CTIF: variants seen among roughly 807,000 people sequenced by gnomAD.
CTIF encodes cap binding complex dependent translation initiation factor, also known as CBP80/20-dependent translation initiation factor.
A neutral mutation model predicts 66.0 loss-of-function variants in CTIF; 21 were observed. The ratio of observed to expected loss-of-function variants is 0.32; its 90% CI spans 0.23 to 0.46. The LOEUF (loss-of-function observed/expected upper bound fraction) is 0.46. Ranked by LOEUF, CTIF falls within the 20% of genes least tolerant of loss-of-function variation. The pLI, the probability that CTIF is intolerant of heterozygous loss-of-function variation, is 1.00. For synonymous variants in CTIF, 345 were observed against 326.4 expected, an observed-to-expected ratio of 1.06 and a Z score of -0.62; for missense variants, 739 against 812.7, an observed-to-expected ratio of 0.91 and a Z score of 1.10.
rs2069486337 is a variant in CTIF at position 48,862,200 on chromosome 18, G to T, written c.*2641G>T. 1 of 152,236 alleles carries T rather than the reference G, an allele frequency of 6.6e-6. No individual in the cohort carries two copies. Among genetic ancestry groups the T allele is most frequent in the Admixed American group, 6.5e-5 (1 of 15,282 alleles). 9.4% of individuals were successfully genotyped at this position (152,236 alleles called of 1,614,324 possible). A position where few individuals can be genotyped will look rare whatever the true frequency, so the allele number is the denominator to read the frequency against. The stretch of plus-strand genomic sequence containing the variant: ...TCCCCAAGTCCATCCCCTCTCTGTG[G>T]CATGAGGAAGGCCGCGTCCGAGTTG... On this transcript the variant is annotated 3_prime_UTR_variant, in exon 12 of 12. Transcript: ENST00000256413.
intron 3 of CTIF, among the ~76,000 whole-genome samples, chr18:48,645,699 T>G (rs1598796249): frequency 6.6e-6 from 1 of 152,206 alleles, no homozygotes; most frequent in Non-Finnish European, 1.5e-5. Context: ...TGGGGTGGTG[T>G]CAGAAATAGT....
intron 1 of CTIF, among the ~76,000 whole-genome samples, chr18:48,584,742 C>T (rs892230690): frequency 2.0e-4 from 31 of 152,210 alleles, no homozygotes; most frequent in Non-Finnish European, 1.3e-4. Flanking sequence ...CCATCTCTGA[C>T]GATCTCCAAG....
chr18:48,563,513 C>G (rs978325470), intron 1 of CTIF, among the ~76,000 whole-genome samples: 2 of 152,082 alleles, frequency 1.3e-5, no homozygotes, highest in African/African-American at 4.8e-5. Context: ...ACTCTGTCAC[C>G]CAGGCTGGAG....
chr18:48,658,055 C>T (rs1317645860), intron 3 of CTIF, among the ~76,000 whole-genome samples: 1 of 152,146 alleles, frequency 6.6e-6, no homozygotes, highest in Non-Finnish European at 1.5e-5. Context: ...CAGGCACCTG[C>T]CTTCCTGCTT....
chr18:48,817,574 G>A (rs1309672829), intron 10 of CTIF, among the ~76,000 whole-genome samples, 198 bp downstream of exon 10: 4 of 152,110 alleles, frequency 2.6e-5, no homozygotes, highest in Non-Finnish European at 4.4e-5. Context: ...TAAGGAGATC[G>A]AGACCATCCT....
intron 7 of CTIF, among the ~76,000 whole-genome samples, chr18:48,741,283 C>T (rs958080407): frequency 3.4e-5 from 5 of 148,950 alleles, no homozygotes; most frequent in African/African-American, 1.2e-4. Context: ...TGCCCCCGCC[C>T]CCCCTCCTTG....
intron 9 of CTIF, among the ~76,000 whole-genome samples, chr18:48,803,523 C>A (rs1234086614): frequency 2.0e-5 from 3 of 152,176 alleles, no homozygotes; most frequent in South Asian, 4.1e-4. Context: ...GAGTGTCAGG[C>A]ACCTGTGACA....
In CTIF at chr18:48,854,162, G is replaced by A. The variant is rs191848668; in HGVS notation, c.1528-3426G>A. On this transcript the variant is annotated intron_variant, in intron 10 of 11. Transcript: ENST00000256413. ...TGTCCCTGACTTCAAGAAGCCGACA[G>A]TTCACCCTGGAAAATGTCTTAACTT... 3.7e-3 allele frequency among the ~76,000 whole-genome samples: 561 copies of A among 152,326 alleles called. 2 individuals carry two copies. Among genetic ancestry groups the A allele is most frequent in the Admixed American group, 6.3e-3 (97 of 15,306 alleles).
intron 9 of CTIF, among the ~76,000 whole-genome samples, chr18:48,810,175 G>T (rs1311679378): frequency 6.6e-6 from 1 of 152,034 alleles, no homozygotes; most frequent in Admixed American, 6.6e-5. Flanking sequence ...CCTTTGAAAA[G>T]TAATATCTGT....
intron 6 of CTIF, among the ~76,000 whole-genome samples, chr18:48,687,064 G>T (rs1484053407): frequency 6.6e-6 from 1 of 152,008 alleles, no homozygotes; most frequent in East Asian, 1.9e-4. Context: ...AATAGTTAGG[G>T]AAACAGGAAG....
At chr18:48,822,205 A>AT (rs2068497983) in intron 10 of CTIF, among the ~76,000 whole-genome samples, 1 of 151,800 alleles carries the variant, frequency 6.6e-6, no homozygotes, top group Non-Finnish European at 1.5e-5. Context: ...CCACTTTAAA[A>AT]TTTTTTTCTT....
At chr18:48,688,085 A>G (rs546683699) in intron 6 of CTIF, among the ~76,000 whole-genome samples, 1 of 152,234 alleles carries the variant, frequency 6.6e-6, no homozygotes, top group East Asian at 1.9e-4. Context: ...AGGAAAGTCA[A>G]GACAGCTTTT....
At chr18:48,741,343 G>A (rs1184361049) in intron 7 of CTIF, among the ~76,000 whole-genome samples, 2 of 146,814 alleles carry the variant, frequency 1.4e-5, no homozygotes, top group Admixed American at 1.4e-4. Context: ...ATACCCAGGT[G>A]CTACCCTACC....
At position 48,620,280 on chromosome 18, in the gene CTIF, T is replaced by C. The variant is rs139466797; in HGVS notation, c.180+535T>C. ...ATATGAGGCAATCCAACCAGCGTCA[T>C]GTTTGGTCCTGCACCCTCCTGCCTC... On this transcript the variant is annotated intron_variant, in intron 2 of 11. Transcript: ENST00000256413. Among the ~76,000 whole-genome samples, 512 of 152,278 alleles carry C rather than the reference T, an allele frequency of 3.4e-3. 2 individuals carry two copies. The highest frequency in any genetic ancestry group is 0.01 in the African/African-American group (422 of 41,558).
At chr18:48,671,529 T>C (rs2091534459) in intron 6 of CTIF, among the ~76,000 whole-genome samples, 1 of 152,176 alleles carries the variant, frequency 6.6e-6, no homozygotes, top group African/African-American at 2.4e-5. Context: ...TTTTGTTTCT[T>C]CTCTGTTCAT....
chr18:48,857,098 T>C (rs1279140232), intron 10 of CTIF, among the ~76,000 whole-genome samples: 3 of 152,170 alleles, frequency 2.0e-5, no homozygotes, highest in Non-Finnish European at 4.4e-5. Context: ...ACTGGGCCAG[T>C]GGAGAAGAGG....
intron 1 of CTIF, among the ~76,000 whole-genome samples, chr18:48,588,593 C>G (rs2089821654): frequency 6.6e-6 from 1 of 152,212 alleles, no homozygotes; most frequent in South Asian, 2.1e-4. Flanking sequence ...CCCCTGCCCC[C>G]ACCCTCCCTG....
chr18:48,583,645 C>T (rs568027548), intron 1 of CTIF, among the ~76,000 whole-genome samples: 6 of 152,312 alleles, frequency 3.9e-5, no homozygotes, highest in East Asian at 3.9e-4. Flanking sequence ...TTCACTACCC[C>T]GTCCTCCATG....
chr18:48,824,977 G>A (rs2068554700), intron 10 of CTIF, among the ~76,000 whole-genome samples: 1 of 152,110 alleles, frequency 6.6e-6, no homozygotes, highest in Non-Finnish European at 1.5e-5. Flanking sequence ...CCATGCGCCT[G>A]TTTTCCTCCA....
Sources: gnomAD v4.1 joint callset for allele counts (sites outside exome capture counted in the v4.1 genomes callset) on GRCh38, gnomAD v4.1.1 for gene constraint, MANE v1.5 for transcripts, NCBI Gene and HGNC (gene_info 2026-07-23, HGNC 2026-07-21) for gene names.